Variants in DYNLT5 observed in about 807,000 individuals in gnomAD.
DYNLT5 encodes the protein dynein light chain Tctex-type 5.
DYNLT5 carries 25 observed loss-of-function variants against 19.3 expected under a neutral mutation model. The ratio of observed to expected loss-of-function variants is 1.30; its 90% CI spans 0.95 to 1.81. The LOEUF (loss-of-function observed/expected upper bound fraction) is 1.81, where lower values mean the gene tolerates loss of function less well. Among genes scored for constraint, DYNLT5 ranks in the 40% most tolerant of loss-of-function variants. DYNLT5 has a pLI of 0.00. For synonymous variants in DYNLT5, 82 were observed against 68.9 expected, an observed-to-expected ratio of 1.19 and a Z score of -0.94; for missense variants, 232 against 217.9, an observed-to-expected ratio of 1.06 and a Z score of -0.41.
Position 66,778,143 on chromosome 1 carries a change from T to C in DYNLT5, c.*689T>C, listed in dbSNP as rs1332316288. 1 of 152,646 alleles carries C rather than the reference T, an allele frequency of 6.6e-6. No homozygotes were observed. Among genetic ancestry groups the C allele is most frequent in the African/African-American group, 2.4e-5 (1 of 41,460 alleles). 9.5% of individuals were successfully genotyped at this position (152,646 alleles called of 1,614,324 possible). Reference sequence around the variant, plus strand: ...TGGAAACTATAAAGTGAATAAAGGCTTTTTGGGACACTGAAGTAGACATTG... The same window carrying C: ...TGGAAACTATAAAGTGAATAAAGGCCTTTTGGGACACTGAAGTAGACATTG... On this transcript the variant is annotated 3_prime_UTR_variant, in exon 5 of 5. Transcript: ENST00000282670.
intron 3 of DYNLT5, among the ~76,000 whole-genome samples, chr1:66,775,974 G>T (rs1287890224): frequency 6.6e-6 from 1 of 152,168 alleles, no homozygotes; most frequent in Non-Finnish European, 1.5e-5. Flanking sequence ...CAGTTATAAA[G>T]TTGTTGAGAC....
Position 66,753,751 on chromosome 1 carries a change from C to T in DYNLT5, c.-3-905C>T, listed in dbSNP as rs557130311. Among the ~76,000 whole-genome samples the T allele has an allele frequency of 3.3e-5, 5 of 151,678 alleles. No individual in the cohort carries two copies. In the East Asian group the frequency reaches 9.7e-4, roughly 30 times the overall value. On this transcript the variant is annotated intron_variant, in intron 1 of 4. Transcript: ENST00000282670. ...ATCACTTAAGGCCAGGAGATTAAGG[C>T]CAGCCTGGGCAACACAGAAAGATCT...
chr1:66,756,273 G>A (rs1057460281), intron 2 of DYNLT5, among the ~76,000 whole-genome samples: 1 of 151,992 alleles, frequency 6.6e-6, no homozygotes, highest in Non-Finnish European at 1.5e-5. Flanking sequence ...TTCTTAAATA[G>A]CAAATGATCA....
intron 3 of DYNLT5, chr1:66,770,735 A>G: frequency 1.9e-6 from 1 of 525,766 alleles, no homozygotes; most frequent in Non-Finnish European, 3.5e-6. Context: ...ACAGTATACT[A>G]CTGACTTAAC....
At chr1:66,759,239 T>C (rs768874376) in intron 2 of DYNLT5, among the ~76,000 whole-genome samples, 1 of 152,204 alleles carries the variant, frequency 6.6e-6, no homozygotes, top group Non-Finnish European at 1.5e-5. Flanking sequence ...AAAATGAAGC[T>C]GGCCTCCTAC....
At chr1:66,760,973 ATTCT>A (rs2094645089) in intron 2 of DYNLT5, among the ~76,000 whole-genome samples, 2 of 152,312 alleles carry the variant, frequency 1.3e-5, no homozygotes, top group South Asian at 4.1e-4. Flanking sequence ...TGCATGGTTC[ATTCT>A]TTATCCTTCA....
intron 2 of DYNLT5, among the ~76,000 whole-genome samples, chr1:66,765,851 G>A (rs1214490670): frequency 6.6e-6 from 1 of 151,950 alleles, no homozygotes; most frequent in African/African-American, 2.4e-5. Context: ...GGATTAGCAT[G>A]GTGCATTTCC....
chr1:66,755,008 C>G (rs764311918), intron 2 of DYNLT5, among the ~76,000 whole-genome samples: 1 of 152,078 alleles, frequency 6.6e-6, no homozygotes, highest in Non-Finnish European at 1.5e-5. Flanking sequence ...CCCAAAAAAC[C>G]CTCTGCTCAA....
intron 3 of DYNLT5, chr1:66,775,301 G>C (rs1448159971): frequency 6.6e-6 from 1 of 152,216 alleles, no homozygotes; most frequent in East Asian, 1.9e-4. Flanking sequence ...GGAGATAACA[G>C]TGAGATTCAC....
At chr1:66,758,292 C>T (rs966836112) in intron 2 of DYNLT5, among the ~76,000 whole-genome samples, 2 of 152,180 alleles carry the variant, frequency 1.3e-5, no homozygotes, top group African/African-American at 4.8e-5. Flanking sequence ...CAGACTTTGG[C>T]AGACACTGAA....
At chr1:66,763,915 G>A (rs1413062338) in intron 2 of DYNLT5, among the ~76,000 whole-genome samples, 1 of 152,174 alleles carries the variant, frequency 6.6e-6, no homozygotes. Context: ...GGCAGGTGCA[G>A]TGGCTCACAC....
intron 3 of DYNLT5, among the ~76,000 whole-genome samples, chr1:66,773,113 A>G (rs1347011689): frequency 3.9e-5 from 6 of 152,178 alleles, no homozygotes; most frequent in Admixed American, 6.5e-5. Flanking sequence ...CTTCCATGAT[A>G]TTCATTGTAA....
chr1:66,767,875 A>T (rs887932484), intron 2 of DYNLT5, among the ~76,000 whole-genome samples: 1 of 152,176 alleles, frequency 6.6e-6, no homozygotes, highest in Admixed American at 6.5e-5. Context: ...AACCTCTCAG[A>T]ATTTCCACAC....
intron 3 of DYNLT5, among the ~76,000 whole-genome samples, chr1:66,771,179 T>G (rs1282492015): frequency 1.3e-5 from 2 of 152,212 alleles, no homozygotes; most frequent in African/African-American, 4.8e-5. Context: ...AAGAAAATTA[T>G]AGACCATCAG....
intron 2 of DYNLT5, among the ~76,000 whole-genome samples, chr1:66,758,322 C>T (rs1183143700): frequency 3.9e-5 from 6 of 152,190 alleles, no homozygotes; most frequent in African/African-American, 1.4e-4. Context: ...AACAGATGTG[C>T]TTCTCTCATT....
At chr1:66,760,015 T>C (rs1046141485) in intron 2 of DYNLT5, among the ~76,000 whole-genome samples, 4 of 152,200 alleles carry the variant, frequency 2.6e-5, no homozygotes, top group Non-Finnish European at 4.4e-5. Context: ...CTTCCTAGTA[T>C]ACCTTTCCCT....
At chr1:66,753,138 C>T (rs1394233678) in intron 1 of DYNLT5, among the ~76,000 whole-genome samples, 2 of 152,156 alleles carry the variant, frequency 1.3e-5, no homozygotes, top group Admixed American at 6.5e-5. Context: ...CACTCAAGGA[C>T]GCTCACACTC....
chr1:66,753,729 AC>A (rs2094631133), intron 1 of DYNLT5, among the ~76,000 whole-genome samples: 1 of 151,122 alleles, frequency 6.6e-6, no homozygotes, highest in Non-Finnish European at 1.5e-5. Flanking sequence ...CAGGAGGATC[AC>A]TTAAGGCCAG....
At chr1:66,753,478 G>T (rs943227691) in intron 1 of DYNLT5, among the ~76,000 whole-genome samples, 1 of 152,074 alleles carries the variant, frequency 6.6e-6, no homozygotes, top group African/African-American at 2.4e-5. Flanking sequence ...TAGGAAGGAG[G>T]GAGTTTTCCA....
Sources: gnomAD v4.1 joint callset for allele counts (sites outside exome capture counted in the v4.1 genomes callset) on GRCh38, gnomAD v4.1.1 for gene constraint, MANE v1.5 for transcripts, NCBI Gene and HGNC (gene_info 2026-07-23, HGNC 2026-07-21) for gene names.